Variants in DOCK7 observed in about 807,000 individuals in gnomAD.
The protein encoded by DOCK7 is dedicator of cytokinesis protein 7.
Under a neutral mutation model 271.0 loss-of-function variants are expected in DOCK7, and 138 were observed. The observed-to-expected ratio is 0.51, with a 90% CI of 0.44 to 0.59. The LOEUF (loss-of-function observed/expected upper bound fraction) is 0.59. DOCK7 is among the 20% of genes least tolerant of loss of function. The pLI is 0.00. For missense variants in DOCK7, 2,066 were observed against 2,592.4 expected (o/e 0.80, Z 4.41); for synonymous variants, 823 against 876.1 (o/e 0.94, Z 1.07).
intron 29 of DOCK7, among the ~76,000 whole-genome samples, chr1:62,534,085 G>A (rs188328108): frequency 1.1e-3 from 164 of 151,838 alleles, no homozygotes; most frequent in African/African-American, 3.6e-3. Context: ...TGCAACCTCT[G>A]CCTCCCGGAT....
chr1:62,584,705 A>G (rs1032854135), intron 15 of DOCK7: 36 of 1,209,842 alleles, frequency 3.0e-5, no homozygotes, highest in Non-Finnish European at 4.1e-5. Context: ...GTCAAGATAT[A>G]GACATGAGTA....
chr1:62,507,854 C>T, intron 35 of DOCK7, 108 bp downstream of exon 35: 1 of 972,838 alleles, frequency 1.0e-6, no homozygotes, highest in South Asian at 1.5e-5. Flanking sequence ...CTTTTAGGAA[C>T]TACCAATATT....
At position 62,552,784 on chromosome 1, in the gene DOCK7, G is replaced by A. The variant is rs746975689; in HGVS notation, c.2714C>T (p.Ser905Phe). Residue 905 changes from serine to phenylalanine, a missense_variant, in exon 22 of 50, where the codon TCT (serine) becomes TTT (phenylalanine). Coordinates refer to ENST00000635253, the MANE Select transcript of DOCK7 (RefSeq NM_001367561.1). Reference sequence around the variant, plus strand: ...ATCATCTGGTGACGTGGGAGTCCCAGATATATCTGGATTGCTATTACTAAG... The same window carrying A: ...ATCATCTGGTGACGTGGGAGTCCCAAATATATCTGGATTGCTATTACTAAG... ...RSLSNSNPDI[S>F]GTPTSPDDEV... 1.2e-6 allele frequency: 2 copies of A among 1,613,846 alleles called. No individual in the cohort carries two copies. Among genetic ancestry groups the A allele is most frequent in the South Asian group, 2.2e-5 (2 of 91,028 alleles).
Position 62,670,848 on chromosome 1 carries a change from G to A in DOCK7, c.39-7718C>T, listed in dbSNP as rs992210232. ...CTGCCCGAGCCAGCATTGGCAACCT[G>A]CTTGGGTCCCCTTCCACACTGTGGA... On this transcript the variant is annotated intron_variant, in intron 1 of 49. Coordinates refer to ENST00000635253, the MANE Select transcript of DOCK7 (RefSeq NM_001367561.1). Among the ~76,000 whole-genome samples, 45 of 152,050 alleles carry A rather than the reference G, an allele frequency of 3.0e-4. 1 individual carries two copies. Among genetic ancestry groups the A allele is most frequent in the East Asian group, 3.9e-4 (2 of 5,172 alleles).
At chr1:62,563,975 G>A (rs964522778) in intron 18 of DOCK7, among the ~76,000 whole-genome samples, 1 of 148,786 alleles carries the variant, frequency 6.7e-6, no homozygotes, top group African/African-American at 2.5e-5. Context: ...AGACAAAGAA[G>A]GGCATTACAT....
At chr1:62,608,273 GTCTC>G (rs2149556519) in intron 14 of DOCK7, 1 of 152,216 alleles carries the variant, frequency 6.6e-6, no homozygotes, top group East Asian at 1.9e-4. Flanking sequence ...GTTTTCAAAA[GTCTC>G]TATCACCTGG....
At chr1:62,632,687 A>C (rs1318964291) in intron 10 of DOCK7, among the ~76,000 whole-genome samples, 1 of 152,148 alleles carries the variant, frequency 6.6e-6, no homozygotes, top group East Asian at 1.9e-4. Context: ...TACACATTCT[A>C]GCAATTAGGC....
chr1:62,612,029 A>G (rs1180088292), intron 14 of DOCK7, among the ~76,000 whole-genome samples: 28 of 151,384 alleles, frequency 1.8e-4, no homozygotes, highest in Non-Finnish European at 2.9e-5. Flanking sequence ...GGTGGCTTGC[A>G]CCTGTAGTCC....
chr1:62,475,596 A>T, intron 46 of DOCK7, 111 bp downstream of exon 46: 1 of 1,142,774 alleles, frequency 8.8e-7, no homozygotes, highest in Admixed American at 2.2e-5. Flanking sequence ...GTAAAGTTCT[A>T]ATATGTTATG....
intron 14 of DOCK7, chr1:62,597,852 G>A: frequency 6.2e-7 from 1 of 1,603,550 alleles, no homozygotes; most frequent in Non-Finnish European, 8.5e-7. Flanking sequence ...CAAAGAAGAA[G>A]AAAAGGAACT....
intron 4 of DOCK7, among the ~76,000 whole-genome samples, chr1:62,648,774 T>C (rs1656978908): frequency 6.6e-6 from 1 of 152,060 alleles, no homozygotes; most frequent in African/African-American, 2.4e-5. Context: ...CTTCTTTCCA[T>C]GCCAATCATG....
At chr1:62,572,575 G>C (rs1415976961) in intron 18 of DOCK7, among the ~76,000 whole-genome samples, 2 of 152,174 alleles carry the variant, frequency 1.3e-5, no homozygotes, top group East Asian at 3.8e-4. Context: ...GTGCCAGCAT[G>C]GTCAGTTTCT....
intron 48 of DOCK7, among the ~76,000 whole-genome samples, chr1:62,463,138 A>C (rs1571181137): frequency 6.6e-6 from 1 of 152,186 alleles, no homozygotes; most frequent in Admixed American, 6.6e-5. Context: ...TCCAATAGGA[A>C]AATGATAAAA....
At chr1:62,641,310 G>T in intron 7 of DOCK7, 1 of 413,072 alleles carries the variant, frequency 2.4e-6, no homozygotes, top group South Asian at 1.8e-5. Flanking sequence ...TGAGCCAGGA[G>T]CCCCAGGTAG....
At chr1:62,634,336 A>G (rs1654984767) in intron 9 of DOCK7, 1 of 151,720 alleles carries the variant, frequency 6.6e-6, no homozygotes, top group African/African-American at 2.4e-5. Context: ...ACCCAAAGCA[A>G]TCTATAAGCT....
chr1:62,669,621 C>A (rs1225936167), intron 1 of DOCK7, among the ~76,000 whole-genome samples: 1 of 152,246 alleles, frequency 6.6e-6, no homozygotes, highest in Non-Finnish European at 1.5e-5. Context: ...ATACCAAAGT[C>A]ACAGCACCTA....
At chr1:62,591,937 T>G (rs1173126627) in intron 14 of DOCK7, among the ~76,000 whole-genome samples, 1 of 152,210 alleles carries the variant, frequency 6.6e-6, no homozygotes, top group African/African-American at 2.4e-5. Flanking sequence ...GTCCCTTAAA[T>G]AGTGCCTCAT....
At chr1:62,621,321 G>C (rs1214470881) in intron 12 of DOCK7, among the ~76,000 whole-genome samples, 2 of 152,102 alleles carry the variant, frequency 1.3e-5, no homozygotes, top group East Asian at 1.9e-4. Context: ...ACCCATAGCC[G>C]ATTAACACAA....
chr1:62,687,704 G>A (rs1661965030), intron 1 of DOCK7: 1 of 152,344 alleles, frequency 6.6e-6, no homozygotes, highest in African/African-American at 2.4e-5. Flanking sequence ...CTCAGGAAGA[G>A]AGAGACGCGT....
Sources: gnomAD v4.1 joint callset for allele counts (sites outside exome capture counted in the v4.1 genomes callset) on GRCh38, gnomAD v4.1.1 for gene constraint, MANE v1.5 for transcripts, NCBI Gene and HGNC (gene_info 2026-07-23, HGNC 2026-07-21) for gene names.